Variants in MERTK observed in about 807,000 individuals in gnomAD.
MERTK encodes the protein tyrosine-protein kinase Mer.
In MERTK, 69 loss-of-function variants were observed where a neutral mutation model predicts 99.3. The observed-to-expected ratio is 0.70, with a 90% CI of 0.57 to 0.85. The LOEUF is 0.85. Ranked by LOEUF, MERTK falls within the 40% of genes least tolerant of loss-of-function variation. The pLI is 0.00. For missense variants in MERTK, 1,125 were observed against 1,249.4 expected, an observed-to-expected ratio of 0.90 and a Z score of 1.50; for synonymous variants, 426 against 467.6, an observed-to-expected ratio of 0.91 and a Z score of 1.15.
Position 112,016,290 on chromosome 2 carries a change from C to CA in MERTK, c.2080-3116dup, listed in dbSNP as rs546028677. On this transcript the variant is annotated intron_variant, in intron 15 of 18. Coordinates refer to ENST00000295408, the MANE Select transcript of MERTK (RefSeq NM_006343.3). ...CTGACTGATGAATAGTTTCCATTTG[C>CA]AAAAAAATACAAGTGTATTTTCAAT... Among the ~76,000 whole-genome samples the CA allele has an allele frequency of 2.5e-3, 375 of 151,706 alleles. 1 individual carries two copies. Among genetic ancestry groups the CA allele is most frequent in the Middle Eastern group, 3.4e-3 (1 of 294 alleles).
Position 112,022,254 on chromosome 2 carries a change from C to T in MERTK, c.2350-4C>T, listed in dbSNP as rs1677366413. On this transcript the variant is annotated splice_region_variant and splice_polypyrimidine_tract_variant and intron_variant, in intron 17 of 18. Transcript: ENST00000295408. Reference sequence around the variant, plus strand: ...ATCCTAACTTGTTGTTGCTTTGTTCCCAGTGGGCATTTGGCGTGACCATGT... The same window carrying T: ...ATCCTAACTTGTTGTTGCTTTGTTCTCAGTGGGCATTTGGCGTGACCATGT... The T allele has an allele frequency of 6.2e-7, 1 of 1,614,186 alleles. No homozygotes were observed. The highest frequency in any genetic ancestry group is 1.1e-5 in the South Asian group (1 of 91,078).
At chr2:112,006,720 T>C (rs1408653977) in intron 13 of MERTK, among the ~76,000 whole-genome samples, 2 of 152,284 alleles carry the variant, frequency 1.3e-5, no homozygotes, top group African/African-American at 4.8e-5. Flanking sequence ...CTCAGCTACA[T>C]TTACCTGCAG....
In MERTK at chr2:112,028,840, A is replaced by T. The variant is rs886203590; in HGVS notation, c.2976A>T (p.Ser992=). The stretch of plus-strand genomic sequence containing the variant: ...AACTTTTGTTTGCTGACGACTCCTC[A>T]GAAGGCTCAGAAGTCCTGATGTGAG... ...PDELLFADDS[S]EGSEVLM The change falls in exon 19 of 19, where the codon TCA becomes TCT. Residue 992 remains serine (S), a synonymous_variant. Transcript: ENST00000295408. 6.2e-7 allele frequency: 1 copy of T among 1,613,848 alleles called. No individual in the cohort carries two copies. The highest frequency in any genetic ancestry group is 8.5e-7 in the Non-Finnish European group (1 of 1,180,042).
At chr2:112,008,089 T>C (rs1677021315) in intron 13 of MERTK, among the ~76,000 whole-genome samples, 1 of 152,190 alleles carries the variant, frequency 6.6e-6, no homozygotes, top group South Asian at 2.1e-4. Context: ...TAGGGTTCAC[T>C]CTTGGTGTTA....
rs529560398 is a variant in MERTK, at chr2:111,983,380, A to G, written c.1296+387A>G. On this transcript the variant is annotated intron_variant, in intron 8 of 18. Transcript: ENST00000295408. Reference sequence around the variant, plus strand: ...ACAGGGCTTAGCAGTCCAGCAATTCATGGCCTTTTGGAAATTTCATGGGAC... The same window carrying G: ...ACAGGGCTTAGCAGTCCAGCAATTCGTGGCCTTTTGGAAATTTCATGGGAC... Among the ~76,000 whole-genome samples the G allele has an allele frequency of 5.9e-5, 9 of 152,318 alleles. No homozygotes were observed. The South Asian group carries it at 6.2e-4, about 11-fold the overall frequency.
At chr2:111,972,212 G>T (rs115064074) in intron 6 of MERTK, among the ~76,000 whole-genome samples, 2 of 152,204 alleles carry the variant, frequency 1.3e-5, no homozygotes, top group South Asian at 2.1e-4. Context: ...TGTGTTTTTA[G>T]TAGAGATGTA....
chr2:111,964,043 C>CTTTTTCTTTTTTT (rs746927590), intron 4 of MERTK, among the ~76,000 whole-genome samples: 26 of 103,874 alleles, frequency 2.5e-4, no homozygotes, highest in South Asian at 1.5e-3. Context: ...AATTTTCTTT[C>CTTTTTCTTTTTTT]TTTTTTTTTT....
At chr2:111,937,865 G>C (rs1684791550) in intron 2 of MERTK, among the ~76,000 whole-genome samples, 1 of 152,040 alleles carries the variant, frequency 6.6e-6, no homozygotes, top group African/African-American at 2.4e-5. Context: ...GGCGCTTACA[G>C]TGGACCTATT....
At position 111,912,616 on chromosome 2, in the gene MERTK, GT is replaced by G. The variant is rs137876694; in HGVS notation, c.61+13822del. Among the ~76,000 whole-genome samples the G allele has an allele frequency of 6.7e-3, 1,019 of 152,258 alleles. 13 individuals are homozygous for G. Among genetic ancestry groups the G allele is most frequent in the African/African-American group, 0.024 (984 of 41,552 alleles). On this transcript the variant is annotated intron_variant, in intron 1 of 18. Coordinates refer to ENST00000295408, the MANE Select transcript of MERTK (RefSeq NM_006343.3). Reference sequence around the variant, plus strand: ...CCAGTCCTGCACATCTTATAGGCAGGTTATTGCCATGGGAGATCTGGACTAA... The same window carrying G: ...CCAGTCCTGCACATCTTATAGGCAGGTATTGCCATGGGAGATCTGGACTAA...
chr2:111,911,767 GGAGCCTAAAC>G (rs1417245735), intron 1 of MERTK, among the ~76,000 whole-genome samples: 1 of 142,940 alleles, frequency 7.0e-6, no homozygotes, highest in Non-Finnish European at 1.5e-5. Flanking sequence ...ATAGCTCACT[GGAGCCTAAAC>G]TCCTGGGCTC....
intron 2 of MERTK, among the ~76,000 whole-genome samples, chr2:111,942,088 C>T (rs1250170519): frequency 6.6e-6 from 1 of 152,214 alleles, no homozygotes; most frequent in Non-Finnish European, 1.5e-5. Flanking sequence ...TCCCTCCCGG[C>T]CTTCACTTTC....
chr2:111,975,561 T>C, intron 7 of MERTK, 89 bp downstream of exon 7: 1 of 1,403,888 alleles, frequency 7.1e-7, no homozygotes, highest in Non-Finnish European at 1.0e-6. Flanking sequence ...AGTTGAAACT[T>C]TGCTTTGTTT....
chr2:111,942,932 A>G (rs1017572226), intron 2 of MERTK, among the ~76,000 whole-genome samples: 14 of 152,176 alleles, frequency 9.2e-5, no homozygotes, highest in African/African-American at 3.4e-4. Flanking sequence ...GATCTGCAAA[A>G]TGGTATTGTT....
At chr2:112,027,176 T>TATAC (rs1553460330) in intron 18 of MERTK, among the ~76,000 whole-genome samples, 17 of 149,166 alleles carry the variant, frequency 1.1e-4, no homozygotes, top group African/African-American at 3.9e-4. Flanking sequence ...TATATATATA[T>TATAC]ACACACACAC....
At chr2:112,012,302 C>A (rs1271410578) in intron 15 of MERTK, among the ~76,000 whole-genome samples, 1 of 93,020 alleles carries the variant, frequency 1.1e-5, no homozygotes, top group Non-Finnish European at 2.4e-5. Flanking sequence ...CATTCACTTC[C>A]CCCCCACCCC....
chr2:111,941,961 C>T (rs1299619647), intron 2 of MERTK, among the ~76,000 whole-genome samples: 3 of 152,182 alleles, frequency 2.0e-5, no homozygotes, highest in East Asian at 1.9e-4. Context: ...GGGTGAGCTG[C>T]CAGACGGTCC....
chr2:112,015,333 T>C lies in MERTK; in HGVS notation c.2080-4080T>C, dbSNP rs77657512. 6.6e-3 allele frequency among the ~76,000 whole-genome samples: 1,010 copies of C among 152,326 alleles called. 20 individuals carry two copies. In the East Asian group the frequency reaches 0.081, roughly 12 times the overall value. On this transcript the variant is annotated intron_variant, in intron 15 of 18. Coordinates refer to ENST00000295408, the MANE Select transcript of MERTK (RefSeq NM_006343.3). Reference sequence around the variant, plus strand: ...GCTCCCCATTCTTATTAGGACTTAATATTGTTGCTGGCTTTTCTGGTTTTT... The same window carrying C: ...GCTCCCCATTCTTATTAGGACTTAACATTGTTGCTGGCTTTTCTGGTTTTT...
chr2:111,974,809 AAAGAAAAAG>A (rs956513735), intron 6 of MERTK, among the ~76,000 whole-genome samples: 18 of 140,874 alleles, frequency 1.3e-4, no homozygotes, highest in South Asian at 2.3e-4. Flanking sequence ...AAAGAAAAGA[AAAGAAAAAG>A]AAAGCAAGAA....
At chr2:111,975,502 C>A in intron 7 of MERTK, 30 bp downstream of exon 7, 1 of 1,604,446 alleles carries the variant, frequency 6.2e-7, no homozygotes, top group South Asian at 1.1e-5. Context: ...ATGTATATTG[C>A]CCCCAATGAC....
Sources: allele counts gnomAD v4.1 joint callset (sites outside exome capture counted in the v4.1 genomes callset), GRCh38; gene constraint gnomAD v4.1.1; transcripts MANE v1.5; gene names NCBI Gene and HGNC (gene_info 2026-07-23, HGNC 2026-07-21).